ATRNL1: variants seen among roughly 807,000 people sequenced by gnomAD.
The protein encoded by ATRNL1 is attractin like 1.
In ATRNL1, 95 loss-of-function variants were observed where a neutral mutation model predicts 182.7. The ratio of observed to expected loss-of-function variants is 0.52; its 90% CI spans 0.44 to 0.62. The LOEUF is 0.62. Ranked by LOEUF, ATRNL1 falls within the 20% of genes least tolerant of loss-of-function variation. The probability of loss-of-function intolerance (pLI) is 0.00; values close to 1 mark genes in which losing one functional copy is unlikely to be tolerated. For synonymous variants in ATRNL1, 576 were observed against 568.3 expected (o/e 1.01, Z -0.19); for missense variants, 1,471 against 1,679.5 (o/e 0.88, Z 2.17).
chr10:115,582,758 C>G (rs1311708367), intron 26 of ATRNL1, among the ~76,000 whole-genome samples: 2 of 149,514 alleles, frequency 1.3e-5, no homozygotes, highest in African/African-American at 2.4e-5. Flanking sequence ...AATTAGATCC[C>G]ATTTGTCAAT....
At chr10:115,173,268 G>A (rs1262120605) in intron 8 of ATRNL1, among the ~76,000 whole-genome samples, 3 of 151,882 alleles carry the variant, frequency 2.0e-5, no homozygotes, top group Non-Finnish European at 4.4e-5. Flanking sequence ...GTTAACAGAT[G>A]TTCTATGTAG....
intron 5 of ATRNL1, among the ~76,000 whole-genome samples, chr10:115,153,428 G>T (rs1466950322): frequency 6.6e-6 from 1 of 152,066 alleles, no homozygotes; most frequent in Non-Finnish European, 1.5e-5. Context: ...CTTCTTCCTG[G>T]TTTAGTCTTG....
chr10:115,665,493 GA>G (rs1860947539), intron 26 of ATRNL1, among the ~76,000 whole-genome samples: 1 of 152,098 alleles, frequency 6.6e-6, no homozygotes, highest in Non-Finnish European at 1.5e-5. Context: ...AATATATAAG[GA>G]GGAAGACGAG....
chr10:115,855,266 A>T (rs1951153014), intron 28 of ATRNL1, among the ~76,000 whole-genome samples: 1 of 152,078 alleles, frequency 6.6e-6, no homozygotes, highest in East Asian at 1.9e-4. Flanking sequence ...TGTTTCTTGT[A>T]CCCGAAATCC....
chr10:115,434,912 AT>A, intron 21 of ATRNL1, among the ~76,000 whole-genome samples: 1 of 152,286 alleles, frequency 6.6e-6, no homozygotes, highest in South Asian at 2.1e-4. Flanking sequence ...AAGTTGGAGT[AT>A]AAGATTAAGT....
At chr10:115,096,116 A>G (rs574782934) in intron 1 of ATRNL1, among the ~76,000 whole-genome samples, 1 of 152,276 alleles carries the variant, frequency 6.6e-6, no homozygotes, top group South Asian at 2.1e-4. Flanking sequence ...AAGAATAGAT[A>G]TTTGATGTAG....
chr10:115,792,991 G>A (rs2134215492), intron 27 of ATRNL1, among the ~76,000 whole-genome samples: 1 of 152,032 alleles, frequency 6.6e-6, no homozygotes, highest in East Asian at 1.9e-4. Context: ...GTAGTATTTG[G>A]AAGAATACAA....
At position 115,160,055 on chromosome 10, in the gene ATRNL1, T is replaced by C; in HGVS notation, c.845T>C (p.Leu282Ser). The C allele has an allele frequency of 6.2e-7, 1 of 1,607,364 alleles. No individual in the cohort carries two copies. The highest frequency in any genetic ancestry group is 8.5e-7 in the Non-Finnish European group (1 of 1,176,874). ...NDSWQGPDCS[L>S]NVPSTESYWI... ...TTTTTAATAGGTCCTGATTGTTCTT[T>C]GAATGTTCCCTCTACTGAGTCTTAC... The change falls in exon 6 of 29, where the codon TTG becomes TCG. Residue 282 changes from leucine to serine, a missense_variant. Coordinates refer to ENST00000355044, the MANE Select transcript of ATRNL1 (RefSeq NM_207303.4).
chr10:115,338,653 A>G (rs1344144749), intron 19 of ATRNL1, among the ~76,000 whole-genome samples: 1 of 152,114 alleles, frequency 6.6e-6, no homozygotes, highest in East Asian at 1.9e-4. Context: ...GTAGTTTGCA[A>G]ATATTCTCTC....
chr10:115,844,423 C>G (rs1332116539), intron 27 of ATRNL1, among the ~76,000 whole-genome samples: 4 of 151,978 alleles, frequency 2.6e-5, no homozygotes, highest in African/African-American at 9.7e-5. Flanking sequence ...ATCCTGAGCT[C>G]AAATGAACAC....
intron 28 of ATRNL1, among the ~76,000 whole-genome samples, chr10:115,900,969 C>T (rs1788982825): frequency 6.6e-6 from 1 of 152,162 alleles, no homozygotes; most frequent in Admixed American, 6.5e-5. Context: ...AGCTACTTTA[C>T]ATCCACCTGA....
chr10:115,629,822 A>G (rs559830695), intron 26 of ATRNL1, among the ~76,000 whole-genome samples: 3 of 152,296 alleles, frequency 2.0e-5, no homozygotes, highest in African/African-American at 7.2e-5. Flanking sequence ...ACACAGTACT[A>G]GAAGTACATC....
chr10:115,723,128 A>G (rs1947482021), intron 26 of ATRNL1, among the ~76,000 whole-genome samples: 1 of 152,234 alleles, frequency 6.6e-6, no homozygotes, highest in African/African-American at 2.4e-5. Flanking sequence ...CCAGAAAAGC[A>G]TGGAGACATA....
At chr10:115,416,483 A>G (rs562700082) in intron 20 of ATRNL1, among the ~76,000 whole-genome samples, 14 of 152,304 alleles carry the variant, frequency 9.2e-5, no homozygotes, top group African/African-American at 2.9e-4. Context: ...AATATTTAAT[A>G]GAGAATGTAG....
intron 20 of ATRNL1, among the ~76,000 whole-genome samples, chr10:115,418,345 G>A (rs1487303618): frequency 6.6e-6 from 1 of 152,060 alleles, no homozygotes; most frequent in Non-Finnish European, 1.5e-5. Context: ...CAGCACAATA[G>A]ATCAAACAAA....
chr10:115,152,230 GT>G (rs1438417076), intron 5 of ATRNL1, among the ~76,000 whole-genome samples: 3 of 152,164 alleles, frequency 2.0e-5, no homozygotes, highest in Middle Eastern at 3.4e-3. Context: ...CTTTAAAGTA[GT>G]TTTTTTCCAA....
chr10:115,449,111 G>C (rs1386484478), intron 21 of ATRNL1, among the ~76,000 whole-genome samples: 3 of 152,122 alleles, frequency 2.0e-5, no homozygotes, highest in Non-Finnish European at 2.9e-5. Flanking sequence ...AGCCCAAAGG[G>C]AGAAATTTCT....
intron 20 of ATRNL1, among the ~76,000 whole-genome samples, chr10:115,397,123 T>C (rs1255536556): frequency 2.6e-5 from 4 of 151,880 alleles, no homozygotes; most frequent in Non-Finnish European, 5.9e-5. Flanking sequence ...ATAATCTGCT[T>C]ATACCTGAAA....
intron 24 of ATRNL1, among the ~76,000 whole-genome samples, chr10:115,489,422 A>G (rs1179887901): frequency 6.6e-6 from 1 of 152,172 alleles, no homozygotes; most frequent in Non-Finnish European, 1.5e-5. Flanking sequence ...TATTGGGTGC[A>G]TATATATTTA....
Sources: allele counts gnomAD v4.1 joint callset (sites outside exome capture counted in the v4.1 genomes callset), GRCh38; gene constraint gnomAD v4.1.1; transcripts MANE v1.5; gene names NCBI Gene and HGNC (gene_info 2026-07-23, HGNC 2026-07-21).